The following APBA2 variants were observed in gnomAD, a reference collection of about 807,000 sequenced individuals.
APBA2 encodes amyloid-beta A4 precursor protein-binding family A member 2.
A neutral mutation model predicts 75.0 loss-of-function variants in APBA2; 30 were observed. That is an observed-to-expected ratio of 0.40 (90% CI 0.30 to 0.54). The LOEUF (loss-of-function observed/expected upper bound fraction) is 0.54, where lower values mean the gene tolerates loss of function less well. APBA2 is among the 20% of genes least tolerant of loss of function. The pLI, the probability that APBA2 is intolerant of heterozygous loss-of-function variation, is 0.49. For synonymous variants in APBA2, 444 were observed against 409.6 expected (o/e 1.08, Z -1.01); for missense variants, 801 against 1,016.1 (o/e 0.79, Z 2.88).
intron 3 of APBA2, among the ~76,000 whole-genome samples, chr15:28,996,694 C>A (rs1330663034): frequency 6.6e-6 from 1 of 152,212 alleles, no homozygotes; most frequent in Non-Finnish European, 1.5e-5. Context: ...TCTTCATGTC[C>A]TGATGCCCAG....
intron 1 of APBA2, among the ~76,000 whole-genome samples, chr15:28,889,620 C>T (rs2031995357): frequency 6.6e-6 from 1 of 152,186 alleles, no homozygotes; most frequent in African/African-American, 2.4e-5. Flanking sequence ...CCCCACCTGT[C>T]ATCTTGGCGC....
intron 3 of APBA2, among the ~76,000 whole-genome samples, chr15:29,035,729 C>A (rs1351491833): frequency 3.9e-5 from 6 of 152,186 alleles, no homozygotes; most frequent in Non-Finnish European, 1.5e-5. Flanking sequence ...CCAGCAGCCT[C>A]AGCATCCCCT....
At chr15:28,940,117 A>G (rs145578499) in intron 2 of APBA2, among the ~76,000 whole-genome samples, 267 of 152,260 alleles carry the variant, frequency 1.8e-3, no homozygotes, top group African/African-American at 6.1e-3. Context: ...CGTGAGATGA[A>G]GCAAATGATT....
chr15:29,095,515 T>C (rs905211904), intron 8 of APBA2, among the ~76,000 whole-genome samples: 12 of 152,230 alleles, frequency 7.9e-5, no homozygotes, highest in African/African-American at 2.7e-4. Context: ...CCAATCCTCC[T>C]CATACAGAAA....
rs142678624 is a variant in APBA2 at position 29,054,048 on chromosome 15, G to A, written c.164G>A (p.Ser55Asn). ...GAGCTGGCTGCCCTGCGGCCAGAGA[G>A]CCCCGCGCCAGAGGAACAGGAGTGC... ...GLELAALRPE[S>N]PAPEEQECHN... The change falls in exon 4 of 15, where the codon AGC becomes AAC. Residue 55 changes from serine (S) to asparagine (N), a missense_variant. Coordinates refer to ENST00000683413, the MANE Select transcript of APBA2 (RefSeq NM_001353788.2). The surrounding 1 kb of genome is among the most constrained non-coding windows in gnomAD (Gnocchi z 6.1). 5.8e-3 allele frequency: 9,321 copies of A among 1,613,828 alleles called. 58 individuals are homozygous for A. Among genetic ancestry groups the A allele is most frequent in the Non-Finnish European group, 6.5e-3 (7,678 of 1,180,016 alleles).
chr15:28,986,616 G>GCCA (rs71846171), intron 2 of APBA2, among the ~76,000 whole-genome samples: 12,092 of 152,122 alleles, frequency 0.079, 662 homozygotes, highest in East Asian at 0.27. Flanking sequence ...ACAGGTGTGT[G>GCCA]CCACCACGCC....
At chr15:29,082,091 G>C (rs2043108719) in intron 6 of APBA2, among the ~76,000 whole-genome samples, 1 of 152,332 alleles carries the variant, frequency 6.6e-6, no homozygotes, top group African/African-American at 2.4e-5. Flanking sequence ...GTGCAAAGAG[G>C]TGTCTTGTTG....
At chr15:28,965,890 A>G (rs2036711557) in intron 2 of APBA2, among the ~76,000 whole-genome samples, 1 of 152,166 alleles carries the variant, frequency 6.6e-6, no homozygotes, top group Non-Finnish European at 1.5e-5. Context: ...CCAACTTGGT[A>G]TGTCGTGTTG....
At chr15:29,016,499 C>G (rs1353734188) in intron 3 of APBA2, among the ~76,000 whole-genome samples, 2 of 152,114 alleles carry the variant, frequency 1.3e-5, no homozygotes, top group Non-Finnish European at 2.9e-5. Flanking sequence ...GACAACAGTC[C>G]CAGCCTCTGA....
At position 29,013,006 on chromosome 15, in the gene APBA2, C is replaced by T. The variant is rs187158418; in HGVS notation, c.-41+17200C>T. 2.0e-3 allele frequency among the ~76,000 whole-genome samples: 308 copies of T among 152,134 alleles called. 2 individuals carry two copies. Among genetic ancestry groups the T allele is most frequent in the African/African-American group, 6.5e-3 (269 of 41,482 alleles). On this transcript the variant is annotated intron_variant, in intron 3 of 14. Coordinates refer to ENST00000683413, the MANE Select transcript of APBA2 (RefSeq NM_001353788.2). The stretch of plus-strand genomic sequence containing the variant: ...ATCTCAGCCCCTCAAGTCCTAGCTG[C>T]CTTGGACTCTCTGATGCTTCCACAG...
intron 3 of APBA2, among the ~76,000 whole-genome samples, chr15:29,018,339 G>A (rs2039782607): frequency 6.6e-6 from 1 of 152,106 alleles, no homozygotes; most frequent in Non-Finnish European, 1.5e-5. Context: ...TTACTGTGCC[G>A]GGTGCCTGGA....
chr15:29,074,715 T>C (rs1259324740), intron 4 of APBA2, among the ~76,000 whole-genome samples: 1 of 152,236 alleles, frequency 6.6e-6, no homozygotes, highest in African/African-American at 2.4e-5. Context: ...TCAAAATGAT[T>C]TAAAATAACT....
intron 3 of APBA2, among the ~76,000 whole-genome samples, chr15:29,010,932 A>G (rs1305398195): frequency 6.6e-6 from 1 of 152,232 alleles, no homozygotes; most frequent in East Asian, 1.9e-4. Flanking sequence ...AAGTAAATTC[A>G]TAATGTTGTG....
intron 1 of APBA2, among the ~76,000 whole-genome samples, chr15:28,892,188 C>T (rs1372500746): frequency 2.6e-5 from 4 of 152,202 alleles, no homozygotes; most frequent in Non-Finnish European, 5.9e-5. Flanking sequence ...CATTCTCCTG[C>T]CTCAGCCTAC....
intron 3 of APBA2, among the ~76,000 whole-genome samples, chr15:29,028,888 T>C (rs576658428): frequency 9.3e-4 from 141 of 152,312 alleles, no homozygotes; most frequent in African/African-American, 3.3e-3. Context: ...TTTAAGTTCC[T>C]TGTAGATTCT....
At chr15:29,071,778 G>GT (rs1246044590) in intron 4 of APBA2, among the ~76,000 whole-genome samples, 1 of 151,606 alleles carries the variant, frequency 6.6e-6, no homozygotes, top group Non-Finnish European at 1.5e-5. Context: ...GCTGTTTATT[G>GT]TGAGATGTGG....
rs528481780 is a variant in APBA2, at chr15:29,025,964, A to G, written c.-40-27881A>G. The stretch of plus-strand genomic sequence containing the variant: ...AGACTCCGACTCAAAAAAAAAAAAA[A>G]AGAAAAGAAATGGCCCAGAGATGGC... On this transcript the variant is annotated intron_variant, in intron 3 of 14. Coordinates refer to ENST00000683413, the MANE Select transcript of APBA2 (RefSeq NM_001353788.2). Among the ~76,000 whole-genome samples, 207 of 144,102 alleles carry G rather than the reference A, an allele frequency of 1.4e-3. 10 individuals are homozygous for G. In the South Asian group the frequency reaches 0.041, roughly 29 times the overall value. 94.5% of individuals were successfully genotyped at this position (144,102 alleles called of 152,430 possible).
chr15:29,035,542 A>G (rs1298767896), intron 3 of APBA2, among the ~76,000 whole-genome samples: 1 of 152,050 alleles, frequency 6.6e-6, no homozygotes, highest in African/African-American at 2.4e-5. Flanking sequence ...GCGCCATGTG[A>G]TGATTAACTG....
chr15:28,940,658 G>A (rs1241431697), intron 2 of APBA2, among the ~76,000 whole-genome samples: 2 of 152,148 alleles, frequency 1.3e-5, no homozygotes, highest in Non-Finnish European at 2.9e-5. Context: ...GAGAGGCCTG[G>A]AATCAGTGGC....
Sources: allele counts gnomAD v4.1 joint callset (sites outside exome capture counted in the v4.1 genomes callset), GRCh38; gene constraint gnomAD v4.1.1; non-coding constraint Gnocchi (gnomAD v3.1); transcripts MANE v1.5; gene names NCBI Gene and HGNC (gene_info 2026-07-23, HGNC 2026-07-21).